The following RABGAP1L variants were observed in gnomAD, a reference collection of about 807,000 sequenced individuals.
The protein encoded by RABGAP1L is rab GTPase-activating protein 1-like.
Under a neutral mutation model 137.7 loss-of-function variants are expected in RABGAP1L, and 63 were observed. The ratio of observed to expected loss-of-function variants is 0.46; its 90% confidence interval spans 0.37 to 0.56. RABGAP1L has a LOEUF of 0.56. Ranked by LOEUF, RABGAP1L falls within the 20% of genes least tolerant of loss-of-function variation. The probability of loss-of-function intolerance (pLI) is 0.00; values close to 1 mark genes in which losing one functional copy is unlikely to be tolerated. For missense variants in RABGAP1L, 1,095 were observed against 1,244.0 expected (o/e 0.88, Z 1.80); for synonymous variants, 431 against 433.7 (o/e 0.99, Z 0.08).
chr1:174,897,199 A>C (rs576734473), intron 19 of RABGAP1L: 1 of 152,140 alleles, frequency 6.6e-6, no homozygotes, highest in East Asian at 1.9e-4. Context: ...CTTTGAAGCA[A>C]TTGTGAATGG....
rs954317895 is a variant in RABGAP1L, at chr1:174,665,226, A to G, written c.1825-18296A>G. On this transcript the variant is annotated intron_variant, in intron 14 of 25. Coordinates refer to ENST00000681986, the MANE Select transcript of RABGAP1L (RefSeq NM_001366446.1). ...GCCTGGGCTCTGGAGCTGGACTGCC[A>G]GAGTTTGAATTCTAGCTCTGCTGCA... 1.2e-4 allele frequency among the ~76,000 whole-genome samples: 18 copies of G among 152,294 alleles called. No homozygotes were observed. The East Asian group carries it at 3.1e-3, about 26-fold the overall frequency.
At chr1:174,888,598 T>C (rs1655575337) in intron 19 of RABGAP1L, among the ~76,000 whole-genome samples, 1 of 151,800 alleles carries the variant, frequency 6.6e-6, no homozygotes, top group Admixed American at 6.6e-5. Context: ...GGAGTTCAAG[T>C]GATTCTCATG....
chr1:174,885,637 TG>T (rs2149100544), intron 19 of RABGAP1L, among the ~76,000 whole-genome samples: 1 of 150,150 alleles, frequency 6.7e-6, no homozygotes, highest in Non-Finnish European at 1.5e-5. Flanking sequence ...ATTACAAGCG[TG>T]AGCTACCACA....
At chr1:174,786,808 A>G (rs1440683188) in intron 18 of RABGAP1L, among the ~76,000 whole-genome samples, 1 of 152,178 alleles carries the variant, frequency 6.6e-6, no homozygotes, top group African/African-American at 2.4e-5. Flanking sequence ...CTAGTTTAAT[A>G]TATATATTTT....
At chr1:174,265,446 A>G (rs1209089109) in intron 7 of RABGAP1L, among the ~76,000 whole-genome samples, 1 of 150,192 alleles carries the variant, frequency 6.7e-6, no homozygotes, top group Non-Finnish European at 1.5e-5. Context: ...AAGTACTCAT[A>G]TTTGGTGGGA....
intron 10 of RABGAP1L, among the ~76,000 whole-genome samples, chr1:174,298,109 G>C (rs1176874254): frequency 6.6e-6 from 1 of 152,190 alleles, no homozygotes; most frequent in Non-Finnish European, 1.5e-5. Flanking sequence ...TTTTAAAGGG[G>C]AACAGACTGA....
At chr1:174,481,557 A>C (rs1201098868) in intron 13 of RABGAP1L, among the ~76,000 whole-genome samples, 3 of 152,140 alleles carry the variant, frequency 2.0e-5, no homozygotes. Flanking sequence ...TTTTTAATCT[A>C]ATTTTTACTT....
intron 19 of RABGAP1L, among the ~76,000 whole-genome samples, chr1:174,854,766 G>GTTTTTTTT (rs1649007414): frequency 3.1e-5 from 1 of 31,752 alleles, no homozygotes; most frequent in Non-Finnish European, 6.8e-5. Context: ...TTTTTGAGAC[G>GTTTTTTTT]TTGTCTCACT....
At chr1:174,900,044 C>G (rs937944868) in intron 19 of RABGAP1L, among the ~76,000 whole-genome samples, 4 of 152,178 alleles carry the variant, frequency 2.6e-5, no homozygotes, top group South Asian at 2.1e-4. Flanking sequence ...CAGATTTTAA[C>G]TCAATTTGGG....
At position 174,994,084 on chromosome 1, in the gene RABGAP1L, C is replaced by T. The variant is rs899439405; in HGVS notation, c.*4083C>T. Reference sequence around the variant, plus strand: ...AACCAGATATAAAACTCTTTCTCGTCGCCATGCTGATAGTCACACTGAACT... The same window carrying T: ...AACCAGATATAAAACTCTTTCTCGTTGCCATGCTGATAGTCACACTGAACT... On this transcript the variant is annotated 3_prime_UTR_variant, in exon 26 of 26. Transcript: ENST00000681986. 3.3e-5 allele frequency: 5 copies of T among 152,232 alleles called. No homozygotes were observed. Among genetic ancestry groups the T allele is most frequent in the African/African-American group, 7.2e-5 (3 of 41,454 alleles). The allele number at this position is 152,232 out of a possible 1,614,324, so 9.4% of individuals were successfully genotyped here. A position where few individuals can be genotyped will look rare whatever the true frequency, so the allele number is the denominator to read the frequency against.
chr1:174,301,605 A>G (rs1677714697), intron 10 of RABGAP1L, among the ~76,000 whole-genome samples: 1 of 151,904 alleles, frequency 6.6e-6, no homozygotes, highest in South Asian at 2.1e-4. Flanking sequence ...AGAGTGAGGA[A>G]GGTGGAGAAT....
chr1:174,511,997 T>C (rs1411464734), intron 13 of RABGAP1L, among the ~76,000 whole-genome samples: 1 of 152,204 alleles, frequency 6.6e-6, no homozygotes, highest in Non-Finnish European at 1.5e-5. Flanking sequence ...TTTATTTATT[T>C]AATATTTTGC....
At position 174,570,533 on chromosome 1, in the gene RABGAP1L, G is replaced by A. The variant is rs1016465; in HGVS notation, c.1711-66842G>A. Among the ~76,000 whole-genome samples, 728 of 152,180 alleles carry A rather than the reference G, an allele frequency of 4.8e-3. 7 individuals are homozygous for A. The highest frequency in any genetic ancestry group is 0.017 in the African/African-American group (687 of 41,506). ...GACTGCTGGAGAGGGGAAGAGGGGA[G>A]GAGAGTAAAGATTGAAAATGAACTG... On this transcript the variant is annotated intron_variant, in intron 13 of 25. Coordinates refer to ENST00000681986, the MANE Select transcript of RABGAP1L (RefSeq NM_001366446.1).
chr1:174,679,105 G>C (rs1037368938), intron 14 of RABGAP1L, among the ~76,000 whole-genome samples: 2 of 152,204 alleles, frequency 1.3e-5, no homozygotes, highest in Non-Finnish European at 2.9e-5. Context: ...TTTATATCCC[G>C]ATCATTGTCC....
At position 174,468,494 on chromosome 1, in the gene RABGAP1L, A is replaced by G. The variant is rs183659712; in HGVS notation, c.1710+74349A>G. Among the ~76,000 whole-genome samples, 67 of 152,336 alleles carry G rather than the reference A, an allele frequency of 4.4e-4. 1 individual carries two copies. Among genetic ancestry groups the G allele is most frequent in the Admixed American group, 1.9e-3 (29 of 15,298 alleles). ...TTTGTGATTGTGCTGGTGTTGTAGT[A>G]TAAATTATAGTTATTATGCACTTCA... On this transcript the variant is annotated intron_variant, in intron 13 of 25. Coordinates refer to ENST00000681986, the MANE Select transcript of RABGAP1L (RefSeq NM_001366446.1).
chr1:174,906,807 A>G (rs965841565), intron 19 of RABGAP1L, among the ~76,000 whole-genome samples: 1 of 152,012 alleles, frequency 6.6e-6, no homozygotes, highest in South Asian at 2.1e-4. Context: ...TAAATAACAT[A>G]TGAAAGATCT....
chr1:174,543,350 G>A (rs1463120653), intron 13 of RABGAP1L, among the ~76,000 whole-genome samples: 1 of 126,538 alleles, frequency 7.9e-6, no homozygotes, highest in Non-Finnish European at 1.6e-5. Context: ...ATTATGTAAT[G>A]GCCTTCTTTG....
rs1162944805 is a variant in RABGAP1L at position 174,380,956 on chromosome 1, T to C, written c.1559+9884T>C. On this transcript the variant is annotated intron_variant, in intron 12 of 25. Coordinates refer to ENST00000681986, the MANE Select transcript of RABGAP1L (RefSeq NM_001366446.1). ...TATAAATTTCCCTCTACACACTGCT[T>C]TGAATGCGTCCCAGAGATTCTGGTA... 7.8e-4 allele frequency among the ~76,000 whole-genome samples: 95 copies of C among 121,256 alleles called. 2 individuals are homozygous for C. The East Asian group carries it at 0.018, about 23-fold the overall frequency. The allele number at this position is 121,256 out of a possible 152,430, so 79.5% of individuals were successfully genotyped here. A position where few individuals can be genotyped will look rare whatever the true frequency, so the allele number is the denominator to read the frequency against.
At chr1:174,282,083 G>C (rs1571904255) in intron 10 of RABGAP1L, among the ~76,000 whole-genome samples, 1 of 152,162 alleles carries the variant, frequency 6.6e-6, no homozygotes, top group Admixed American at 6.5e-5. Context: ...GGCAATTTGA[G>C]TTGTTTCCAT....
Sources: gnomAD v4.1 joint callset for allele counts (sites outside exome capture counted in the v4.1 genomes callset) on GRCh38, gnomAD v4.1.1 for gene constraint, MANE v1.5 for transcripts, NCBI Gene and HGNC (gene_info 2026-07-23, HGNC 2026-07-21) for gene names.